RTN1: variants seen among roughly 807,000 people sequenced by gnomAD.
RTN1 encodes the protein reticulon 1.
RTN1 carries 25 observed loss-of-function variants against 65.5 expected under a neutral mutation model. The observed-to-expected ratio is 0.38, with a 90% confidence interval of 0.28 to 0.53. The LOEUF (loss-of-function observed/expected upper bound fraction) is 0.53. Among genes scored for constraint, RTN1 ranks in the 20% least tolerant of loss-of-function variants. The pLI, the probability that RTN1 is intolerant of heterozygous loss-of-function variation, is 0.79. For synonymous variants in RTN1, 471 were observed against 447.6 expected, an observed-to-expected ratio of 1.05 and a Z score of -0.66; for missense variants, 983 against 1,025.4, an observed-to-expected ratio of 0.96 and a Z score of 0.57.
At chr14:59,654,990 G>T (rs1883093953) in intron 3 of RTN1, among the ~76,000 whole-genome samples, 1 of 152,110 alleles carries the variant, frequency 6.6e-6, no homozygotes, top group Non-Finnish European at 1.5e-5. Context: ...AGAAATGAAA[G>T]CCATTGACAT....
intron 3 of RTN1, among the ~76,000 whole-genome samples, chr14:59,612,622 C>T: frequency 6.6e-6 from 1 of 152,198 alleles, no homozygotes; most frequent in East Asian, 1.9e-4. Flanking sequence ...CCCTATAAGC[C>T]TGCTTCTCAA....
At chr14:59,691,270 A>C (rs1196264779) in intron 3 of RTN1, among the ~76,000 whole-genome samples, 1 of 152,194 alleles carries the variant, frequency 6.6e-6, no homozygotes, top group East Asian at 1.9e-4. Context: ...CTGATCCCAC[A>C]GAAATATAAC....
At chr14:59,821,820 G>A (rs974509745) in intron 1 of RTN1, among the ~76,000 whole-genome samples, 17 of 152,168 alleles carry the variant, frequency 1.1e-4, no homozygotes, top group African/African-American at 3.6e-4. Flanking sequence ...CACATTTATT[G>A]ATTTGCATAT....
At chr14:59,692,911 G>A (rs932561678) in intron 3 of RTN1, among the ~76,000 whole-genome samples, 17 of 152,128 alleles carry the variant, frequency 1.1e-4, no homozygotes, top group African/African-American at 3.9e-4. Flanking sequence ...AAGAAGTAAT[G>A]AGCCACCACC....
chr14:59,813,787 T>C (rs893020056), intron 1 of RTN1, among the ~76,000 whole-genome samples: 1 of 152,206 alleles, frequency 6.6e-6, no homozygotes, highest in Non-Finnish European at 1.5e-5. Context: ...TTTATTACTT[T>C]TTTCTCTATT....
chr14:59,602,255 T>A (rs906644463), intron 8 of RTN1, among the ~76,000 whole-genome samples: 1 of 152,148 alleles, frequency 6.6e-6, no homozygotes, highest in Non-Finnish European at 1.5e-5. Context: ...TATTATCAGA[T>A]AATTAGATAG....
chr14:59,722,111 A>T (rs1884660812), intron 3 of RTN1, among the ~76,000 whole-genome samples: 1 of 152,204 alleles, frequency 6.6e-6, no homozygotes, highest in Non-Finnish European at 1.5e-5. Flanking sequence ...CAGTATTCAA[A>T]AAGTATGAGA....
intron 3 of RTN1, among the ~76,000 whole-genome samples, chr14:59,697,399 ATAAAG>A (rs1884085295): frequency 6.6e-6 from 1 of 152,190 alleles, no homozygotes; most frequent in Admixed American, 6.6e-5. Flanking sequence ...ACAGTCCATT[ATAAAG>A]TAAATACTGA....
At chr14:59,718,227 C>T (rs923879078) in intron 3 of RTN1, among the ~76,000 whole-genome samples, 9 of 152,166 alleles carry the variant, frequency 5.9e-5, no homozygotes, top group Admixed American at 2.0e-4. Flanking sequence ...AGAGACGGGG[C>T]GGACTCAGGA....
intron 8 of RTN1, among the ~76,000 whole-genome samples, chr14:59,602,179 T>C (rs555101332): frequency 1.3e-5 from 2 of 152,300 alleles, no homozygotes; most frequent in South Asian, 4.1e-4. Context: ...TATTTTGTTA[T>C]TACACATCTT....
At chr14:59,652,782 C>A (rs1056722237) in intron 3 of RTN1, among the ~76,000 whole-genome samples, 2 of 151,948 alleles carry the variant, frequency 1.3e-5, no homozygotes, top group African/African-American at 2.4e-5. Context: ...TATAGCAAAC[C>A]TGCACATGTA....
chr14:59,746,422 C>T lies in RTN1; in HGVS notation c.301G>A (p.Glu101Lys), dbSNP rs777151776. Residue 101 changes from glutamate to lysine, a missense_variant, in exon 2 of 9, where the codon GAA becomes AAA. Around this residue, in one of 2 missense-constraint regions of RTN1, gnomAD observed 818 missense variants for 801.8 expected, o/e 1.02. Transcript: ENST00000267484. ...ATGAGAGATGTGTAACACGATCCTTCCCCATCTTTTGATGTTGTTGAGAAG... is the reference window on the plus strand; with the variant it reads ...ATGAGAGATGTGTAACACGATCCTTTCCCATCTTTTGATGTTGTTGAGAAG... ...HTFSTTSKDG[E>K]GSCYTSLISD... 6.2e-7 allele frequency: 1 copy of T among 1,612,572 alleles called. No individual in the cohort carries two copies. Among genetic ancestry groups the T allele is most frequent in the South Asian group, 1.1e-5 (1 of 90,780 alleles).
intron 3 of RTN1, among the ~76,000 whole-genome samples, chr14:59,724,472 T>C (rs368882837): frequency 8.5e-5 from 13 of 152,172 alleles, no homozygotes; most frequent in African/African-American, 2.9e-4. Flanking sequence ...GAAGCTTCAG[T>C]GGACAAGAGC....
chr14:59,701,899 T>C (rs1439447613), intron 3 of RTN1, among the ~76,000 whole-genome samples: 2 of 152,180 alleles, frequency 1.3e-5, no homozygotes, highest in Non-Finnish European at 2.9e-5. Context: ...TGCTGACTCC[T>C]GTTTCAGATT....
chr14:59,749,367 T>C (rs1885340910), intron 1 of RTN1, among the ~76,000 whole-genome samples: 1 of 78,472 alleles, frequency 1.3e-5, no homozygotes, highest in Non-Finnish European at 2.0e-5. Context: ...TCTATATATA[T>C]ATCTATATAT....
At chr14:59,650,954 C>T (rs554251531) in intron 3 of RTN1, among the ~76,000 whole-genome samples, 5 of 151,598 alleles carry the variant, frequency 3.3e-5, no homozygotes, top group East Asian at 2.0e-4. Flanking sequence ...ATGGATCACC[C>T]GAGGTCATGA....
intron 1 of RTN1, among the ~76,000 whole-genome samples, chr14:59,755,167 T>G (rs1251059096): frequency 6.6e-6 from 1 of 151,634 alleles, no homozygotes; most frequent in Non-Finnish European, 1.5e-5. Flanking sequence ...ACATAGAAAA[T>G]GCCAGAAAGA....
Position 59,849,573 on chromosome 14 carries a change from G to A in RTN1, c.241+20817C>T, listed in dbSNP as rs942508981. ...GAGGAAGGAACATTTCAGCCCACAG[G>A]CCTGACTCAGCCCACTGATTGATTT... On this transcript the variant is annotated intron_variant, in intron 1 of 8. Coordinates refer to ENST00000267484, the MANE Select transcript of RTN1 (RefSeq NM_021136.3). This position sits in a 1 kb window ranked among gnomAD's most constrained non-coding sequence, Gnocchi z 4.5. Among the ~76,000 whole-genome samples the A allele has an allele frequency of 1.3e-5, 2 of 152,074 alleles. No homozygotes were observed. The highest frequency in any genetic ancestry group is 6.6e-5 in the Admixed American group (1 of 15,264).
chr14:59,721,088 A>G (rs1361502222), intron 3 of RTN1, among the ~76,000 whole-genome samples: 1 of 152,224 alleles, frequency 6.6e-6, no homozygotes, highest in Non-Finnish European at 1.5e-5. Context: ...GACAGAAGTA[A>G]TATCTAGTAT....
Sources: allele counts gnomAD v4.1 joint callset (sites outside exome capture counted in the v4.1 genomes callset), GRCh38; gene constraint gnomAD v4.1.1; regional missense constraint gnomAD v4.1.1; non-coding constraint Gnocchi (gnomAD v3.1); transcripts MANE v1.5; gene names NCBI Gene and HGNC (gene_info 2026-07-23, HGNC 2026-07-21).